Variants in EGFR observed in about 807,000 individuals in gnomAD.
The protein encoded by EGFR is avian erythroblastic leukemia viral (v-erb-b) oncogene homolog.
A neutral mutation model predicts 143.0 loss-of-function variants in EGFR; 58 were observed. The observed-to-expected ratio is 0.41, with a 90% CI of 0.33 to 0.50. The LOEUF (loss-of-function observed/expected upper bound fraction) is 0.50. Ranked by LOEUF, EGFR falls within the 20% of genes least tolerant of loss-of-function variation. The pLI is 0.39. For synonymous variants in EGFR, 613 were observed against 594.4 expected, an observed-to-expected ratio of 1.03 and a Z score of -0.45; for missense variants, 1,307 against 1,579.0, an observed-to-expected ratio of 0.83 and a Z score of 2.92.
At chr7:55,071,891 T>C (rs901609070) in intron 1 of EGFR, among the ~76,000 whole-genome samples, 1 of 152,206 alleles carries the variant, frequency 6.6e-6, no homozygotes, top group African/African-American at 2.4e-5. Flanking sequence ...TTAACACAGT[T>C]TCTGGGCAAG....
chr7:55,040,303 C>T (rs1477344400), intron 1 of EGFR, among the ~76,000 whole-genome samples: 1 of 152,038 alleles, frequency 6.6e-6, no homozygotes, highest in Non-Finnish European at 1.5e-5. Context: ...TATTCATATC[C>T]TACATTTTTT....
chr7:55,165,918 C>T (rs1785954659), intron 15 of EGFR, among the ~76,000 whole-genome samples: 1 of 152,222 alleles, frequency 6.6e-6, no homozygotes, highest in Non-Finnish European at 1.5e-5. Flanking sequence ...TGGCTCACGC[C>T]TGTAATTCCA....
intron 16 of EGFR, among the ~76,000 whole-genome samples, chr7:55,171,552 T>C (rs1786355177): frequency 1.3e-5 from 2 of 152,218 alleles, no homozygotes. Flanking sequence ...TTTTTTTCTG[T>C]CCACTTACCC....
rs1310704966 is a variant in EGFR at position 55,163,958 on chromosome 7, C to T, written c.1722+135C>T. On this transcript the variant is annotated intron_variant, in intron 14 of 27. Coordinates refer to ENST00000275493, the MANE Select transcript of EGFR (RefSeq NM_005228.5). ...GCCACTTCCCAGAGGAGACGGCAGG[C>T]GCTGACAGCGCTGTCCGGGCAGGGT... The T allele has an allele frequency of 2.8e-5, 25 of 890,870 alleles. 1 individual carries two copies. Among genetic ancestry groups the T allele is most frequent in the Admixed American group, 5.6e-5 (3 of 53,098 alleles). The allele number at this position is 890,870 out of a possible 1,614,324, so 55.2% of individuals were successfully genotyped here. A position where few individuals can be genotyped will look rare whatever the true frequency, so the allele number is the denominator to read the frequency against.
At chr7:55,036,124 G>A (rs1471941969) in intron 1 of EGFR, among the ~76,000 whole-genome samples, 1 of 152,048 alleles carries the variant, frequency 6.6e-6, no homozygotes, top group African/African-American at 2.4e-5. Context: ...GGATGAGGGA[G>A]AGAGAGCTAA....
At chr7:55,150,396 G>A (rs974334142) in intron 4 of EGFR, among the ~76,000 whole-genome samples, 2 of 152,242 alleles carry the variant, frequency 1.3e-5, no homozygotes, top group East Asian at 1.9e-4. Context: ...GAGCACCAGC[G>A]CGGCAATTAG....
intron 1 of EGFR, among the ~76,000 whole-genome samples, chr7:55,123,951 T>G (rs369402290): frequency 6.6e-6 from 1 of 152,148 alleles, no homozygotes; most frequent in African/African-American, 2.4e-5. Flanking sequence ...ATTGTGTACA[T>G]GTATGTGTGT....
intron 1 of EGFR, among the ~76,000 whole-genome samples, chr7:55,049,171 G>A (rs1788342071): frequency 6.6e-6 from 1 of 152,148 alleles, no homozygotes; most frequent in African/African-American, 2.4e-5. Flanking sequence ...ATTCTGTATT[G>A]CATCCAAATT....
chr7:55,072,133 G>A, intron 1 of EGFR, among the ~76,000 whole-genome samples: 1 of 150,428 alleles, frequency 6.6e-6, no homozygotes, highest in South Asian at 2.1e-4. Context: ...GTGACCTGCA[G>A]GGAAGTAAGT....
rs75591322 is a variant in EGFR at position 55,050,868 on chromosome 7, T to A, written c.88+31503T>A. Reference sequence around the variant, plus strand: ...CCCAACTGTCCTGGTGTCTGCATAGTCTGCAGCACACGCCCCCTCCATGGC... The same window carrying A: ...CCCAACTGTCCTGGTGTCTGCATAGACTGCAGCACACGCCCCCTCCATGGC... On this transcript the variant is annotated intron_variant, in intron 1 of 27. Transcript: ENST00000275493. Among the ~76,000 whole-genome samples, 1,049 of 152,272 alleles carry A rather than the reference T, an allele frequency of 6.9e-3. 10 individuals carry two copies. The highest frequency in any genetic ancestry group is 0.024 in the African/African-American group (985 of 41,548).
chr7:55,204,577 CACACACACCACACATACACACACGT>C (rs564679110), intron 27 of EGFR, among the ~76,000 whole-genome samples: 12 of 142,994 alleles, frequency 8.4e-5, no homozygotes, highest in Non-Finnish European at 1.7e-4. Flanking sequence ...ATACACACCA[CACACACACCACACATACACACACGT>C]ACACACACCA....
At chr7:55,110,023 G>A (rs1214350024) in intron 1 of EGFR, 2 of 878,390 alleles carry the variant, frequency 2.3e-6, no homozygotes, top group Admixed American at 6.2e-5. Flanking sequence ...AACACACAGT[G>A]TATGTTGTTA....
At chr7:55,061,216 G>C (rs1229646441) in intron 1 of EGFR, among the ~76,000 whole-genome samples, 1 of 147,916 alleles carries the variant, frequency 6.8e-6, no homozygotes, top group Non-Finnish European at 1.5e-5. Flanking sequence ...GTGTGGATAA[G>C]GATTCTGCCT....
In EGFR at chr7:55,154,039, C is replaced by T. The variant is rs766478921; in HGVS notation, c.776C>T (p.Thr259Met). The T allele has an allele frequency of 3.7e-6, 6 of 1,614,218 alleles. No homozygotes were observed. The Admixed American group carries it at 5.0e-5, about 13-fold the overall frequency. ...TGCCGCAAATTCCGAGACGAAGCCA[C>T]GTGCAAGGACACCTGCCCCCCACTC... ...LVCRKFRDEA[T>M]CKDTCPPLML... The change falls in exon 7 of 28, where the codon ACG becomes ATG. Residue 259 changes from threonine (T) to methionine (M), a missense_variant. Thr to Met is a moderately conservative substitution (Grantham distance 81). Transcript: ENST00000275493.
chr7:55,092,781 C>T (rs1562707018), intron 1 of EGFR, among the ~76,000 whole-genome samples: 1 of 152,258 alleles, frequency 6.6e-6, no homozygotes, highest in Non-Finnish European at 1.5e-5. Flanking sequence ...TCAGCCGCTC[C>T]TGGCAGGGCC....
chr7:55,172,935 G>A (rs760928978), intron 16 of EGFR, 48 bp from the exon 17 acceptor site: 1 of 1,614,030 alleles, frequency 6.2e-7, no homozygotes, highest in Non-Finnish European at 8.5e-7. Context: ...CAAGGCCATG[G>A]AATCTGTCAG....
intron 1 of EGFR, among the ~76,000 whole-genome samples, chr7:55,101,019 G>T (rs1020041903): frequency 6.6e-6 from 1 of 152,192 alleles, no homozygotes. Context: ...CCTCGTGCTG[G>T]CCTTGGGCTT....
rs1484273686 is a variant in EGFR, at chr7:55,067,573, T to TACGGTTA, written c.88+48214_88+48215insAACGGTT. Among the ~76,000 whole-genome samples the TACGGTTA allele has an allele frequency of 2.0e-5, 3 of 151,682 alleles. 1 individual carries two copies. The highest frequency in any genetic ancestry group is 2.0e-4 in the Admixed American group (3 of 15,284). ...TTACTACTGTAACCATTTTTAAGTGTACGGTTCAGTAGTGTTAAGTATATT... is the reference window on the plus strand; with the variant it reads ...TTACTACTGTAACCATTTTTAAGTGTACGGTTAACGGTTCAGTAGTGTTAAGTATATT... On this transcript the variant is annotated intron_variant, in intron 1 of 27. Coordinates refer to ENST00000275493, the MANE Select transcript of EGFR (RefSeq NM_005228.5).
At chr7:55,117,775 A>C (rs759284053) in intron 1 of EGFR, among the ~76,000 whole-genome samples, 38 of 152,250 alleles carry the variant, frequency 2.5e-4, no homozygotes, top group Admixed American at 5.9e-4. Context: ...AGTCATGGTG[A>C]ATGACACAGT....
Sources: gnomAD v4.1 joint callset for allele counts (sites outside exome capture counted in the v4.1 genomes callset) on GRCh38, gnomAD v4.1.1 for gene constraint, MANE v1.5 for transcripts, NCBI Gene and HGNC (gene_info 2026-07-23, HGNC 2026-07-21) for gene names.